Variants in EPB41L1 observed in about 807,000 individuals in gnomAD.
EPB41L1 encodes the protein band 4.1-like protein 1.
In EPB41L1, 29 loss-of-function variants were observed where a neutral mutation model predicts 97.8. The ratio of observed to expected loss-of-function variants is 0.30; its 90% CI spans 0.22 to 0.40. The LOEUF is 0.40. EPB41L1 is among the 10% of genes least tolerant of loss of function. The pLI is 1.00. For missense variants in EPB41L1, 812 were observed against 1,162.3 expected, an observed-to-expected ratio of 0.70 and a Z score of 4.38; for synonymous variants, 383 against 459.2, an observed-to-expected ratio of 0.83 and a Z score of 2.12.
At chr20:36,129,947 G>GT (rs1338546780) in intron 2 of EPB41L1, among the ~76,000 whole-genome samples, 12,917 of 127,662 alleles carry the variant, frequency 0.1, 848 homozygotes, top group Non-Finnish European at 0.15. Context: ...TTTTTTTTTT[G>GT]TTTTTTTTTT....
chr20:36,124,184 T>C (rs2058867335), intron 2 of EPB41L1, among the ~76,000 whole-genome samples: 2 of 151,906 alleles, frequency 1.3e-5, no homozygotes, highest in Non-Finnish European at 2.9e-5. Flanking sequence ...GAACCCGGGA[T>C]GCAGAGCTTG....
At chr20:36,141,548 G>T (rs1343806805) in intron 2 of EPB41L1, among the ~76,000 whole-genome samples, 1 of 152,188 alleles carries the variant, frequency 6.6e-6, no homozygotes, top group African/African-American at 2.4e-5. Context: ...CCCAAGGGGG[G>T]CTGTGGTTGC....
At chr20:36,218,500 C>A (rs1191815655) in intron 17 of EPB41L1, among the ~76,000 whole-genome samples, 1 of 152,130 alleles carries the variant, frequency 6.6e-6, no homozygotes, top group Admixed American at 6.5e-5. Context: ...ATCTGTGAGG[C>A]CCATAGAGAG....
chr20:36,208,312 A>G lies in EPB41L1; in HGVS notation c.1669-1176A>G, dbSNP rs180956794. ...CTTCTCTAATCCAGAACAAATCCGG[A>G]GATGCGGTCAGGGAAGAGAAGCGCT... On this transcript the variant is annotated intron_variant, in intron 14 of 21. Coordinates refer to ENST00000338074, the MANE Select transcript of EPB41L1 (RefSeq NM_012156.2). The G allele has an allele frequency of 1.1e-5, 5 of 450,772 alleles. No homozygotes were observed. The East Asian group carries it at 3.6e-4, about 32-fold the overall frequency. The allele number at this position is 450,772 out of a possible 1,614,324, so 27.9% of individuals were successfully genotyped here. A position where few individuals can be genotyped will look rare whatever the true frequency, so the allele number is the denominator to read the frequency against.
intron 1 of EPB41L1, chr20:36,155,778 G>A: frequency 2.6e-6 from 1 of 390,446 alleles, no homozygotes; most frequent in South Asian, 1.9e-5. Flanking sequence ...AGAGCACCAC[G>A]TGTTCCCACA....
At chr20:36,208,334 C>T (rs1051510697) in intron 14 of EPB41L1, 24 of 454,380 alleles carry the variant, frequency 5.3e-5, no homozygotes, top group African/African-American at 1.8e-4. Flanking sequence ...GGAAGAGAAG[C>T]GCTCCACCAA....
intron 2 of EPB41L1, among the ~76,000 whole-genome samples, chr20:36,135,222 C>T (rs1023311324): frequency 1.3e-5 from 2 of 152,126 alleles, no homozygotes; most frequent in African/African-American, 4.8e-5. Flanking sequence ...ATTACGTTTA[C>T]TTCTCTTAAA....
Position 36,207,752 on chromosome 20 carries a change from C to T in EPB41L1, c.1669-1736C>T. 1 of 1,289,734 alleles carries T rather than the reference C, an allele frequency of 7.8e-7. No homozygotes were observed. The highest frequency in any genetic ancestry group is 1.0e-6 in the Non-Finnish European group (1 of 988,742). The allele number at this position is 1,289,734 out of a possible 1,614,324, so 79.9% of individuals were successfully genotyped here. On this transcript the variant is annotated intron_variant, in intron 14 of 21. Coordinates refer to ENST00000338074, the MANE Select transcript of EPB41L1 (RefSeq NM_012156.2). This position sits in a 1 kb window ranked among gnomAD's most constrained non-coding sequence, Gnocchi z 4.9. ...GTGTCCCCCAATTCAGGCTGTGAAA[C>T]CACGCTGGCAGAAGCTACTGGAACT...
chr20:36,185,396 G>A, intron 7 of EPB41L1, 61 bp downstream of exon 7: 1 of 1,504,828 alleles, frequency 6.6e-7, no homozygotes, highest in Non-Finnish European at 9.1e-7. Flanking sequence ...CTTCCTTGCA[G>A]GCCTGAATGT....
intron 2 of EPB41L1, among the ~76,000 whole-genome samples, chr20:36,132,430 T>C (rs1038879009): frequency 6.6e-6 from 1 of 152,022 alleles, no homozygotes; most frequent in Non-Finnish European, 1.5e-5. Flanking sequence ...TGTGGTTACA[T>C]TGAGCCCATT....
At chr20:36,214,930 C>T (rs1320217936) in intron 17 of EPB41L1, among the ~76,000 whole-genome samples, 2 of 151,766 alleles carry the variant, frequency 1.3e-5, no homozygotes, top group Non-Finnish European at 2.9e-5. Context: ...TATTGAGGGA[C>T]CTCATGGTTC....
chr20:36,162,182 A>C (rs1469600180), intron 1 of EPB41L1, among the ~76,000 whole-genome samples: 4 of 152,248 alleles, frequency 2.6e-5, no homozygotes, highest in Admixed American at 1.3e-4. Context: ...GCTCTGGCTC[A>C]TAAGCCCATG....
At chr20:36,167,254 TGACAG>T (rs1219304427) in intron 1 of EPB41L1, among the ~76,000 whole-genome samples, 1 of 152,132 alleles carries the variant, frequency 6.6e-6, no homozygotes, top group African/African-American at 2.4e-5. Flanking sequence ...AAAGCCAATG[TGACAG>T]GCTCATGGTG....
At chr20:36,211,282 G>C (rs2063116951) in intron 15 of EPB41L1, among the ~76,000 whole-genome samples, 1 of 152,018 alleles carries the variant, frequency 6.6e-6, no homozygotes, top group East Asian at 1.9e-4. Flanking sequence ...AACTACTCGG[G>C]AGGCAGGAGA....
chr20:36,101,002 C>T (rs1321317868), intron 1 of EPB41L1, among the ~76,000 whole-genome samples: 1 of 152,156 alleles, frequency 6.6e-6, no homozygotes, highest in African/African-American at 2.4e-5. Context: ...AAGGTACTTG[C>T]CTTTTTTCCT....
chr20:36,180,683 T>C (rs533910017), intron 5 of EPB41L1, among the ~76,000 whole-genome samples: 1 of 152,338 alleles, frequency 6.6e-6, no homozygotes, highest in South Asian at 2.1e-4. Context: ...CTAGTACTTA[T>C]ATTTATGTTG....
In EPB41L1 at chr20:36,190,690, G is replaced by A. The variant is rs770557022; in HGVS notation, c.1193G>A (p.Arg398Lys). 6 of 1,614,174 alleles carry A rather than the reference G, an allele frequency of 3.7e-6. No homozygotes were observed. Among genetic ancestry groups the A allele is most frequent in the Non-Finnish European group, 4.2e-6 (5 of 1,180,026 alleles). The change falls in exon 11 of 22, where the codon AGG becomes AAG. Residue 398 changes from arginine to lysine, a missense_variant. Coordinates refer to ENST00000338074, the MANE Select transcript of EPB41L1 (RefSeq NM_012156.2). The surrounding 1 kb of genome is among the most constrained non-coding windows in gnomAD (Gnocchi z 5.8). ...GGCTCCAAGTTCCGGTACAGTGGGA[G>A]GACCCAGGCACAGACTCGCCAGGCC... is the stretch of plus-strand genomic sequence containing the variant. ...VMGSKFRYSG[R>K]TQAQTRQASA...
In EPB41L1 at chr20:36,207,180, C is replaced by T; in HGVS notation, c.1669-2308C>T. ...ATGGGTCAGGGGAGCCTTCGGAGCT[C>T]AGGGAGCCCTTTCTTAGACATGTCC... On this transcript the variant is annotated intron_variant, in intron 14 of 21. Coordinates refer to ENST00000338074, the MANE Select transcript of EPB41L1 (RefSeq NM_012156.2). The surrounding 1 kb of genome is among the most constrained non-coding windows in gnomAD (Gnocchi z 4.9). 1 of 1,288,384 alleles carries T rather than the reference C, an allele frequency of 7.8e-7. No individual in the cohort carries two copies. Among genetic ancestry groups the T allele is most frequent in the Non-Finnish European group, 1.0e-6 (1 of 987,818 alleles). 79.8% of individuals were successfully genotyped at this position (1,288,384 alleles called of 1,614,324 possible). A position where few individuals can be genotyped will look rare whatever the true frequency, so the allele number is the denominator to read the frequency against.
At chr20:36,139,640 C>T (rs1047849843) in intron 2 of EPB41L1, among the ~76,000 whole-genome samples, 1 of 152,176 alleles carries the variant, frequency 6.6e-6, no homozygotes, top group African/African-American at 2.4e-5. Context: ...TAAATAGATG[C>T]TGACTGATTA....
Sources: gnomAD v4.1 joint callset for allele counts (sites outside exome capture counted in the v4.1 genomes callset) on GRCh38, gnomAD v4.1.1 for gene constraint, Gnocchi (gnomAD v3.1) non-coding constraint, MANE v1.5 for transcripts, NCBI Gene and HGNC (gene_info 2026-07-23, HGNC 2026-07-21) for gene names.